PRKN: variants seen among roughly 807,000 people sequenced by gnomAD.
PRKN encodes the protein parkin RBR E3 ubiquitin protein ligase, also known as E3 ubiquitin-protein ligase parkin.
Under a neutral mutation model 59.5 loss-of-function variants are expected in PRKN, and 56 were observed. The observed-to-expected ratio is 0.94, with a 90% CI of 0.76 to 1.18. The LOEUF (loss-of-function observed/expected upper bound fraction) is 1.18. Among genes scored for constraint, PRKN ranks in the 50% most tolerant of loss-of-function variants. The probability of loss-of-function intolerance (pLI) is 0.00; values close to 1 mark genes in which losing one functional copy is unlikely to be tolerated. For missense variants in PRKN, 657 were observed against 596.4 expected, an observed-to-expected ratio of 1.10 and a Z score of -1.06; for synonymous variants, 250 against 222.1, an observed-to-expected ratio of 1.13 and a Z score of -1.12.
intron 3 of PRKN, among the ~76,000 whole-genome samples, chr6:162,220,568 A>G (rs927979931): frequency 6.6e-6 from 1 of 152,228 alleles, no homozygotes; most frequent in Non-Finnish European, 1.5e-5. Context: ...TCTGTCACCT[A>G]TGCAGTGAGC....
At chr6:162,233,084 A>G (rs1279128400) in intron 3 of PRKN, among the ~76,000 whole-genome samples, 1 of 152,216 alleles carries the variant, frequency 6.6e-6, no homozygotes, top group East Asian at 1.9e-4. Context: ...GACTTCTAAA[A>G]GAAACCCATT....
intron 5 of PRKN, among the ~76,000 whole-genome samples, chr6:162,048,619 G>T (rs1290357040): frequency 6.6e-6 from 1 of 151,540 alleles, no homozygotes; most frequent in Non-Finnish European, 1.5e-5. Context: ...AGTTTTTAAG[G>T]CCAGTGTGTC....
chr6:161,945,084 C>T (rs1779728981), intron 6 of PRKN, among the ~76,000 whole-genome samples: 1 of 148,274 alleles, frequency 6.7e-6, no homozygotes, highest in African/African-American at 2.5e-5. Context: ...TCAAGATTGA[C>T]TTTAAAGCCT....
At chr6:162,659,162 G>T (rs566632409) in intron 1 of PRKN, among the ~76,000 whole-genome samples, 1 of 152,012 alleles carries the variant, frequency 6.6e-6, no homozygotes, top group Non-Finnish European at 1.5e-5. Context: ...GAATTCAAGC[G>T]GCTGTTATTC....
chr6:161,699,249 C>T (rs1786149459), intron 7 of PRKN, among the ~76,000 whole-genome samples: 1 of 152,094 alleles, frequency 6.6e-6, no homozygotes, highest in South Asian at 2.1e-4. Context: ...AAATGGAACC[C>T]TGATTCACTG....
rs375868877 is a variant in PRKN, at chr6:161,369,787, T to A, written c.1168-9582A>T. Reference sequence around the variant, plus strand: ...CATCTATAATATACTTATATATAGATGTTTCATATATATATTTCATATGAT... The same window carrying A: ...CATCTATAATATACTTATATATAGAAGTTTCATATATATATTTCATATGAT... On this transcript the variant is annotated intron_variant, in intron 10 of 11. Transcript: ENST00000366898. The surrounding 1 kb of genome is among the most constrained non-coding windows in gnomAD (Gnocchi z 5.8). Among the ~76,000 whole-genome samples the A allele has an allele frequency of 6.6e-6, 1 of 151,388 alleles. No homozygotes were observed.
intron 1 of PRKN, among the ~76,000 whole-genome samples, chr6:162,556,896 T>C (rs946310620): frequency 6.6e-6 from 1 of 152,150 alleles, no homozygotes; most frequent in Non-Finnish European, 1.5e-5. Flanking sequence ...GTCATTCTCC[T>C]GATGCTACCT....
chr6:161,349,544 G>A lies in PRKN; in HGVS notation c.*555C>T, dbSNP rs988197174. The A allele has an allele frequency of 8.5e-6, 2 of 234,728 alleles. No homozygotes were observed. The highest frequency in any genetic ancestry group is 1.7e-5 in the Non-Finnish European group (2 of 118,998). 14.5% of individuals were successfully genotyped at this position (234,728 alleles called of 1,614,324 possible). A position where few individuals can be genotyped will look rare whatever the true frequency, so the allele number is the denominator to read the frequency against. On this transcript the variant is annotated 3_prime_UTR_variant, in exon 12 of 12. Coordinates refer to ENST00000366898, the MANE Select transcript of PRKN (RefSeq NM_004562.3). The surrounding 1 kb of genome is among the most constrained non-coding windows in gnomAD (Gnocchi z 5.5). The stretch of plus-strand genomic sequence containing the variant: ...TGCCTGGGGTTCTTTGGGAATAGAT[G>A]CTTTCTGAAAATTTAAATAAGAACA...
At chr6:161,894,784 T>C (rs989879571) in intron 6 of PRKN, among the ~76,000 whole-genome samples, 2 of 152,256 alleles carry the variant, frequency 1.3e-5, no homozygotes, top group Non-Finnish European at 2.9e-5. Context: ...GCTTGCCATA[T>C]TGGCAGAATT....
Position 161,883,908 on chromosome 6 carries a change from C to T in PRKN, c.734+89394G>A, listed in dbSNP as rs572496319. On this transcript the variant is annotated intron_variant, in intron 6 of 11. Coordinates refer to ENST00000366898, the MANE Select transcript of PRKN (RefSeq NM_004562.3). The stretch of plus-strand genomic sequence containing the variant: ...CCTCAAGTGATCCGCCCATCTTGGC[C>T]TCCCAAGGTGCTGGGATTACAGGCA... 2.2e-4 allele frequency among the ~76,000 whole-genome samples: 33 copies of T among 152,266 alleles called. 1 individual carries two copies. The highest frequency in any genetic ancestry group is 7.9e-4 in the African/African-American group (33 of 41,570).
intron 7 of PRKN, among the ~76,000 whole-genome samples, chr6:161,626,947 T>G (rs541838251): frequency 6.6e-6 from 1 of 152,046 alleles, no homozygotes; most frequent in Non-Finnish European, 1.5e-5. Flanking sequence ...AACTCACTTA[T>G]CTAGATCAGT....
intron 7 of PRKN, among the ~76,000 whole-genome samples, chr6:161,690,197 A>C (rs1785727503): frequency 6.6e-6 from 1 of 152,076 alleles, no homozygotes; most frequent in African/African-American, 2.4e-5. Context: ...CACTCTCTCT[A>C]CCAGACTTTT....
At chr6:162,025,166 C>T (rs1783379963) in intron 5 of PRKN, among the ~76,000 whole-genome samples, 1 of 151,912 alleles carries the variant, frequency 6.6e-6, no homozygotes, top group Non-Finnish European at 1.5e-5. Context: ...CAGGCACCTG[C>T]CACCACGCCT....
chr6:161,903,147 A>C lies in PRKN; in HGVS notation c.734+70155T>G, dbSNP rs570640565. The stretch of plus-strand genomic sequence containing the variant: ...AGATCTAGTGAGAGGGATTTAGAGG[A>C]GTCTTTCCAAAGGAGACAGGACGGA... On this transcript the variant is annotated intron_variant, in intron 6 of 11. Coordinates refer to ENST00000366898, the MANE Select transcript of PRKN (RefSeq NM_004562.3). Among the ~76,000 whole-genome samples the C allele has an allele frequency of 2.0e-5, 3 of 152,276 alleles. No individual in the cohort carries two copies. The South Asian group carries it at 6.2e-4, about 32-fold the overall frequency.
At chr6:161,684,450 C>T (rs1447738821) in intron 7 of PRKN, among the ~76,000 whole-genome samples, 1 of 152,106 alleles carries the variant, frequency 6.6e-6, no homozygotes, top group Non-Finnish European at 1.5e-5. Flanking sequence ...GCCCACTATT[C>T]AGCCTTTCTC....
At position 161,395,478 on chromosome 6, in the gene PRKN, TAGCAGA is replaced by T. The variant is rs1786714595; in HGVS notation, c.1084-8607_1084-8602del. On this transcript the variant is annotated intron_variant, in intron 9 of 11. Transcript: ENST00000366898. The surrounding 1 kb of genome is among the most constrained non-coding windows in gnomAD (Gnocchi z 5.0). ...TTTCACACATGTGAAAGGAAATCTG[TAGCAGA>T]AATTTCTAGACATGAAATAGCTGGG... is the stretch of plus-strand genomic sequence containing the variant. 1.3e-5 allele frequency among the ~76,000 whole-genome samples: 2 copies of T among 152,170 alleles called. No homozygotes were observed. The highest frequency in any genetic ancestry group is 1.3e-4 in the Admixed American group (2 of 15,282).
intron 7 of PRKN, among the ~76,000 whole-genome samples, chr6:161,714,185 T>C (rs1469543990): frequency 6.6e-6 from 1 of 152,120 alleles, no homozygotes; most frequent in Non-Finnish European, 1.5e-5. Context: ...ACTATGGCCA[T>C]GGTGAATCTC....
At chr6:162,265,426 C>G (rs1034711976) in intron 2 of PRKN, among the ~76,000 whole-genome samples, 4 of 152,262 alleles carry the variant, frequency 2.6e-5, no homozygotes, top group African/African-American at 9.6e-5. Flanking sequence ...CACAGTAGCT[C>G]ACCCCTATAA....
chr6:162,301,490 T>G (rs1583340097), intron 2 of PRKN, among the ~76,000 whole-genome samples: 1 of 152,110 alleles, frequency 6.6e-6, no homozygotes, highest in Admixed American at 6.6e-5. Flanking sequence ...ACTGATTTTC[T>G]CGTGGCTCTG....
Sources: allele counts gnomAD v4.1 joint callset (sites outside exome capture counted in the v4.1 genomes callset), GRCh38; gene constraint gnomAD v4.1.1; non-coding constraint Gnocchi (gnomAD v3.1); transcripts MANE v1.5; gene names NCBI Gene and HGNC (gene_info 2026-07-23, HGNC 2026-07-21).